Variants in CSMD3 observed in about 807,000 individuals in gnomAD.
CSMD3 encodes the protein CUB and sushi domain-containing protein 3.
CSMD3 carries 177 observed loss-of-function variants against 435.2 expected under a neutral mutation model. The observed-to-expected ratio is 0.41, with a 90% CI of 0.36 to 0.46. The LOEUF (loss-of-function observed/expected upper bound fraction) is 0.46. Among genes scored for constraint, CSMD3 ranks in the 20% least tolerant of loss-of-function variants. The probability of loss-of-function intolerance (pLI) is 0.34; values close to 1 mark genes in which losing one functional copy is unlikely to be tolerated. For missense variants in CSMD3, 4,265 were observed against 4,504.6 expected (o/e 0.95, Z 1.52); for synonymous variants, 1,656 against 1,520.5 (o/e 1.09, Z -2.07).
chr8:113,357,102 C>A (rs1313782941), intron 1 of CSMD3, among the ~76,000 whole-genome samples: 3 of 151,966 alleles, frequency 2.0e-5, no homozygotes, highest in African/African-American at 4.8e-5. Context: ...TACATCAATG[C>A]CAAAAGCAAA....
At chr8:112,305,030 T>C (rs1250941536) in intron 51 of CSMD3, 115 bp from the exon 52 acceptor site, 2 of 768,256 alleles carry the variant, frequency 2.6e-6, no homozygotes, top group African/African-American at 3.4e-5. Flanking sequence ...ACAAGGTCCT[T>C]TAGCATTTGT....
Position 112,609,533 on chromosome 8 carries a change from T to A in CSMD3, c.3716-22298A>T, listed in dbSNP as rs550143555. ...AAGATAAAAAATGTTGGCATGGATA[T>A]GGAGAAAGGGGAACCCTTATACATT... On this transcript the variant is annotated intron_variant, in intron 22 of 70. Coordinates refer to ENST00000297405, the MANE Select transcript of CSMD3 (RefSeq NM_198123.2). Among the ~76,000 whole-genome samples, 6 of 152,230 alleles carry A rather than the reference T, an allele frequency of 3.9e-5. No individual in the cohort carries two copies. The East Asian group carries it at 1.2e-3, about 29-fold the overall frequency.
intron 3 of CSMD3, among the ~76,000 whole-genome samples, chr8:113,202,803 C>A (rs1168344477): frequency 6.6e-6 from 1 of 152,060 alleles, no homozygotes; most frequent in Non-Finnish European, 1.5e-5. Flanking sequence ...AGACTTTATA[C>A]TAACATATAG....
chr8:112,333,899 G>T (rs1164486424), intron 45 of CSMD3, among the ~76,000 whole-genome samples: 1 of 152,078 alleles, frequency 6.6e-6, no homozygotes. Flanking sequence ...ACATAATATA[G>T]TTTGGCAACT....
chr8:112,370,022 AG>A (rs1828193581), intron 38 of CSMD3, among the ~76,000 whole-genome samples: 1 of 114,250 alleles, frequency 8.8e-6, no homozygotes. Flanking sequence ...GAAGAAGAAG[AG>A]GAAGAAGAAG....
chr8:113,207,265 T>A (rs1228938399), intron 3 of CSMD3, among the ~76,000 whole-genome samples: 1 of 152,182 alleles, frequency 6.6e-6, no homozygotes, highest in Non-Finnish European at 1.5e-5. Context: ...TTCATATTTT[T>A]ATTTTAATCA....
At position 113,354,125 on chromosome 8, in the gene CSMD3, G is replaced by C. The variant is rs138026840; in HGVS notation, c.179-39332C>G. On this transcript the variant is annotated intron_variant, in intron 1 of 70. Coordinates refer to ENST00000297405, the MANE Select transcript of CSMD3 (RefSeq NM_198123.2). ...CGACCATTGCATGTTTCTCAAAGGA[G>C]AGGCCAGGTAAAGTCAGGACTTACT... is the stretch of plus-strand genomic sequence containing the variant. Among the ~76,000 whole-genome samples, 10 of 152,228 alleles carry C rather than the reference G, an allele frequency of 6.6e-5. No individual in the cohort carries two copies. The East Asian group carries it at 1.9e-3, about 29-fold the overall frequency.
At chr8:113,161,144 G>T (rs1202475559) in intron 4 of CSMD3, among the ~76,000 whole-genome samples, 1 of 152,072 alleles carries the variant, frequency 6.6e-6, no homozygotes, top group Non-Finnish European at 1.5e-5. Context: ...CATGCCAGGA[G>T]ATGAATCCGG....
chr8:112,634,184 C>T (rs905954626), intron 22 of CSMD3, among the ~76,000 whole-genome samples: 2 of 151,804 alleles, frequency 1.3e-5, no homozygotes, highest in African/African-American at 4.8e-5. Context: ...AAGTGGACAT[C>T]TGCTCAGATG....
At chr8:112,801,770 G>GA (rs1176189195) in intron 12 of CSMD3, among the ~76,000 whole-genome samples, 3 of 151,954 alleles carry the variant, frequency 2.0e-5, no homozygotes, top group Non-Finnish European at 4.4e-5. Flanking sequence ...AGGCAGAATA[G>GA]AAAGTAAAGT....
chr8:113,023,445 T>G (rs1248158861), intron 5 of CSMD3, among the ~76,000 whole-genome samples: 1 of 152,060 alleles, frequency 6.6e-6, no homozygotes, highest in Non-Finnish European at 1.5e-5. Context: ...TTTCTCACTC[T>G]CTTGCTTTTA....
chr8:112,231,581 C>T lies in CSMD3; in HGVS notation c.10792G>A (p.Gly3598Ser), dbSNP rs1813090891. The change falls in exon 69 of 71, where the codon GGC becomes AGC. Residue 3598 changes from glycine (G) to serine (S), a missense_variant. Gly to Ser is a moderately conservative substitution (Grantham distance 56). Transcript: ENST00000297405. The stretch of plus-strand genomic sequence containing the variant: ...AGGCCAAATTGTCCATAATCTTTGC[C>T]TTGAATAAATCCTTGAAATACATAA... ...ATYVFQGFIQ[G>S]KDYGQFGLQR... 2.5e-6 allele frequency: 4 copies of T among 1,612,502 alleles called. No homozygotes were observed. The highest frequency in any genetic ancestry group is 3.4e-6 in the Non-Finnish European group (4 of 1,178,826).
At chr8:113,095,435 A>G (rs2090134557) in intron 5 of CSMD3, among the ~76,000 whole-genome samples, 1 of 152,186 alleles carries the variant, frequency 6.6e-6, no homozygotes, top group Non-Finnish European at 1.5e-5. Flanking sequence ...CCCTCCAGTC[A>G]GCCTATCACC....
intron 66 of CSMD3, 119 bp from the exon 67 acceptor site, chr8:112,237,467 G>A (rs1813695538): frequency 1.3e-6 from 1 of 752,804 alleles, no homozygotes; most frequent in East Asian, 2.7e-5. Context: ...AATGTTGAAT[G>A]TGTGTTACAA....
intron 27 of CSMD3, among the ~76,000 whole-genome samples, chr8:112,523,166 G>A (rs1048598432): frequency 1.3e-4 from 19 of 151,858 alleles, no homozygotes; most frequent in Non-Finnish European, 1.3e-4. Context: ...ATCTCATACA[G>A]TTGGATGAGT....
chr8:113,399,581 T>G (rs2133195807), intron 1 of CSMD3, among the ~76,000 whole-genome samples: 1 of 152,016 alleles, frequency 6.6e-6, no homozygotes, highest in Admixed American at 6.6e-5. Flanking sequence ...CTACAAAAAT[T>G]TTCAGAATAG....
At chr8:112,286,595 G>T (rs1819223522) in intron 58 of CSMD3, among the ~76,000 whole-genome samples, 1 of 151,988 alleles carries the variant, frequency 6.6e-6, no homozygotes, top group Non-Finnish European at 1.5e-5. Context: ...TGCTATAATT[G>T]TTCTATTTTA....
intron 1 of CSMD3, among the ~76,000 whole-genome samples, chr8:113,332,722 A>C (rs1029277137): frequency 6.6e-6 from 1 of 151,746 alleles, no homozygotes; most frequent in African/African-American, 2.4e-5. Flanking sequence ...TTATTCAAGC[A>C]GTACCTTGCA....
chr8:112,281,459 A>G (rs2130584070), intron 58 of CSMD3, 109 bp from the exon 59 acceptor site: 2 of 868,568 alleles, frequency 2.3e-6, no homozygotes, highest in East Asian at 5.3e-5. Flanking sequence ...AAGCAATAAA[A>G]ACTTCTAAAA....
Sources: gnomAD v4.1 joint callset for allele counts (sites outside exome capture counted in the v4.1 genomes callset) on GRCh38, gnomAD v4.1.1 for gene constraint, MANE v1.5 for transcripts, NCBI Gene and HGNC (gene_info 2026-07-23, HGNC 2026-07-21) for gene names.